IFNG-AS1: variants seen among roughly 807,000 people sequenced by gnomAD.
IFNG-AS1 encodes the protein IFNG regulatory antisense RNA 1.
At chr12:68,017,816 A>G (rs1467289430) in intron 3 of IFNG-AS1, among the ~76,000 whole-genome samples, 1 of 152,096 alleles carries the variant, frequency 6.6e-6, no homozygotes, top group African/African-American at 2.4e-5. Context: ...TCTTGTTCAA[A>G]CCTAGTCATG....
At chr12:68,000,114 A>G (rs1220670838) in intron 2 of IFNG-AS1, among the ~76,000 whole-genome samples, 1 of 152,208 alleles carries the variant, frequency 6.6e-6, no homozygotes, top group East Asian at 1.9e-4. Context: ...CATAATATCA[A>G]TGTTAGTTTC....
rs75763904 is a variant in IFNG-AS1, at chr12:67,998,741, G to A, written n.184+2668G>A. On this transcript the variant is annotated intron_variant and non_coding_transcript_variant, in intron 2 of 5. Transcript: ENST00000536914. ...TTACAAACCACACTGAAGGGGATGA[G>A]GAAGAAAAGAATGAACTGAAGACAA... Among the ~76,000 whole-genome samples the A allele has an allele frequency of 3.1e-3, 478 of 152,066 alleles. 5 individuals carry two copies. The highest frequency in any genetic ancestry group is 0.011 in the African/African-American group (457 of 41,490).
intron 1 of IFNG-AS1, among the ~76,000 whole-genome samples, chr12:67,995,419 CAAA>C (rs34141511): frequency 3.8e-5 from 3 of 78,618 alleles, no homozygotes; most frequent in African/African-American, 1.1e-4. Context: ...GACTCCATTT[CAAA>C]AAAAAAAAAA....
chr12:68,006,008 C>T (rs1367009304), intron 2 of IFNG-AS1: 1 of 152,244 alleles, frequency 6.6e-6, no homozygotes, highest in Non-Finnish European at 1.5e-5. Flanking sequence ...CTGCTTGAAA[C>T]TTCCGGAGGG....
intron 3 of IFNG-AS1, among the ~76,000 whole-genome samples, chr12:68,012,036 A>C (rs547441823): frequency 6.6e-6 from 1 of 152,126 alleles, no homozygotes; most frequent in Non-Finnish European, 1.5e-5. Context: ...ATTTCATCAG[A>C]AAGAAAAATG....
intron 2 of IFNG-AS1, among the ~76,000 whole-genome samples, chr12:68,003,596 T>C (rs970914029): frequency 7.2e-5 from 11 of 152,136 alleles, no homozygotes; most frequent in African/African-American, 2.7e-4. Flanking sequence ...CAAGCTTCAA[T>C]GCCTCCCTTG....
At chr12:67,996,183 A>T (rs1203236140) in intron 2 of IFNG-AS1, 1 of 152,242 alleles carries the variant, frequency 6.6e-6, no homozygotes, top group Non-Finnish European at 1.5e-5. Flanking sequence ...AAAATTTAAA[A>T]AGTCTCTGTC....
chr12:67,990,074 G>C (rs1879468059), intron 1 of IFNG-AS1, among the ~76,000 whole-genome samples: 1 of 152,136 alleles, frequency 6.6e-6, no homozygotes, highest in African/African-American at 2.4e-5. Flanking sequence ...CATATCATAG[G>C]TCTTGGATAA....
chr12:68,005,417 G>A (rs972114217), intron 2 of IFNG-AS1, among the ~76,000 whole-genome samples: 1 of 152,060 alleles, frequency 6.6e-6, no homozygotes, highest in Non-Finnish European at 1.5e-5. Context: ...CACACACACA[G>A]AGCCATTCTC....
chr12:68,017,580 G>A (rs1353081846), intron 3 of IFNG-AS1, among the ~76,000 whole-genome samples: 1 of 152,166 alleles, frequency 6.6e-6, no homozygotes, highest in African/African-American at 2.4e-5. Flanking sequence ...TACTCTCAGG[G>A]CTGTTTTGAA....
intron 1 of IFNG-AS1, among the ~76,000 whole-genome samples, chr12:67,992,312 T>C (rs1028192543): frequency 1.3e-5 from 2 of 152,230 alleles, no homozygotes; most frequent in African/African-American, 4.8e-5. Flanking sequence ...AGTATTCCAC[T>C]GAATCATTAT....
chr12:67,999,898 C>T (rs938347732), intron 2 of IFNG-AS1, among the ~76,000 whole-genome samples: 1 of 152,110 alleles, frequency 6.6e-6, no homozygotes. Context: ...AGGCTAACAT[C>T]ACCAATAATA....
At chr12:68,002,639 G>A (rs1879795996) in intron 2 of IFNG-AS1, among the ~76,000 whole-genome samples, 1 of 152,136 alleles carries the variant, frequency 6.6e-6, no homozygotes, top group Non-Finnish European at 1.5e-5. Flanking sequence ...AGACCCAACT[G>A]GTCTATCTCT....
intron 2 of IFNG-AS1, chr12:68,001,538 C>A (rs1224001974): frequency 1.9e-5 from 4 of 215,728 alleles, no homozygotes; most frequent in African/African-American, 4.7e-5. Context: ...GAAAACCTTG[C>A]GAGCAGACAT....
At chr12:68,015,214 G>A (rs1266713896) in intron 3 of IFNG-AS1, among the ~76,000 whole-genome samples, 1 of 152,130 alleles carries the variant, frequency 6.6e-6, no homozygotes, top group Non-Finnish European at 1.5e-5. Flanking sequence ...AATGCAGGCA[G>A]GGGCTTCAAC....
At position 68,014,313 on chromosome 12, in the gene IFNG-AS1, T is replaced by C. The variant is rs185243187; in HGVS notation, n.242-5549T>C. Among the ~76,000 whole-genome samples, 893 of 152,340 alleles carry C rather than the reference T, an allele frequency of 5.9e-3. 8 individuals carry two copies. The highest frequency in any genetic ancestry group is 0.02 in the African/African-American group (845 of 41,582). The stretch of plus-strand genomic sequence containing the variant: ...TCTGGGTAGATACCCACTAGTGGGA[T>C]TGCTGGATCAAATGGTAGTTTTACT... On this transcript the variant is annotated intron_variant and non_coding_transcript_variant, in intron 3 of 5. Transcript: ENST00000536914.
intron 1 of IFNG-AS1, among the ~76,000 whole-genome samples, chr12:67,991,733 A>G (rs930688483): frequency 6.6e-6 from 1 of 152,216 alleles, no homozygotes; most frequent in Non-Finnish European, 1.5e-5. Flanking sequence ...ATGCCCTCAC[A>G]TGACTCCTCT....
At chr12:67,991,671 C>CT (rs1214284812) in intron 1 of IFNG-AS1, among the ~76,000 whole-genome samples, 1 of 152,220 alleles carries the variant, frequency 6.6e-6, no homozygotes, top group African/African-American at 2.4e-5. Flanking sequence ...TGCCAAGGCT[C>CT]TTTGGCTTCT....
chr12:67,998,854 T>C (rs149409377), intron 2 of IFNG-AS1, among the ~76,000 whole-genome samples: 2 of 152,306 alleles, frequency 1.3e-5, no homozygotes, highest in African/African-American at 4.8e-5. Flanking sequence ...AACAGGAATG[T>C]ACACAAACAT....
Sources: allele counts gnomAD v4.1 joint callset (sites outside exome capture counted in the v4.1 genomes callset), GRCh38; gene constraint gnomAD v4.1.1; transcripts MANE v1.5; gene names NCBI Gene and HGNC (gene_info 2026-07-23, HGNC 2026-07-21).